Variants in GET4 observed in about 807,000 individuals in gnomAD.
GET4 encodes guided entry of tail-anchored proteins factor 4.
GET4 carries 20 observed loss-of-function variants against 40.0 expected under a neutral mutation model. The observed-to-expected ratio is 0.50, with a 90% CI of 0.35 to 0.73. The LOEUF (loss-of-function observed/expected upper bound fraction) is 0.73, where lower values mean the gene tolerates loss of function less well. Ranked by LOEUF, GET4 falls within the 30% of genes least tolerant of loss-of-function variation. The pLI is 0.01. For missense variants in GET4, 557 were observed against 454.0 expected, an observed-to-expected ratio of 1.23 and a Z score of -2.06; for synonymous variants, 280 against 194.6, an observed-to-expected ratio of 1.44 and a Z score of -3.65.
At position 876,762 on chromosome 7, in the gene GET4, C is replaced by T; in HGVS notation, c.117C>T (p.Tyr39=). ...GCGCCAGCGTCGAGAAGGGCGACTACTACGAGGCGCACCAGATGTACCGGA... is the reference window on the plus strand; with the variant it reads ...GCGCCAGCGTCGAGAAGGGCGACTATTACGAGGCGCACCAGATGTACCGGA... ...KLRASVEKGD[Y]YEAHQMYRTL... is the part of the protein sequence containing the mutation. The change falls in exon 1 of 9, where the codon TAC becomes TAT. Residue 39 remains tyrosine (Y), a synonymous_variant. Transcript: ENST00000265857. 2 of 1,354,948 alleles carry T rather than the reference C, an allele frequency of 1.5e-6. No homozygotes were observed. Among genetic ancestry groups the T allele is most frequent in the African/African-American group, 1.6e-5 (1 of 64,454 alleles). The allele number at this position is 1,354,948 out of a possible 1,614,324, so 83.9% of individuals were successfully genotyped here.
chr7:885,499 T>C (rs1844169478), intron 1 of GET4: 1 of 153,104 alleles, frequency 6.5e-6, no homozygotes, highest in African/African-American at 2.4e-5. Flanking sequence ...GGGGACGTGA[T>C]GCAGGGCGAG....
intron 5 of GET4, 137 bp from the exon 6 acceptor site, chr7:892,141 A>C: frequency 1.3e-6 from 1 of 765,996 alleles, no homozygotes; most frequent in African/African-American, 1.7e-5. Context: ...CGCGTGAAGC[A>C]CTGGGTCCCT....
Position 886,080 on chromosome 7 carries a change from G to A in GET4, c.180G>A (p.Thr60=), listed in dbSNP as rs11543222. ...FFRYMSQSKH[T]EARELMYSGA... ...GGTACATGTCCCAGAGCAAGCACAC[G>A]GAGGCCCGGGAGCTCATGTACTCGG... Residue 60 remains threonine (T), a synonymous_variant, in exon 2 of 9, where the codon ACG becomes ACA. Transcript: ENST00000265857. 219,622 of 1,606,992 alleles carry A rather than the reference G, an allele frequency of 0.14. 16,733 individuals are homozygous for A. The highest frequency in any genetic ancestry group is 0.2 in the Admixed American group (11,983 of 60,004).
In GET4 at chr7:890,872, C is replaced by T. The variant is rs1198055484; in HGVS notation, c.467-56C>T. 1.2e-5 allele frequency: 17 copies of T among 1,390,378 alleles called. No individual in the cohort carries two copies. In the African/African-American group the frequency reaches 1.4e-4, roughly 12 times the overall value. The allele number at this position is 1,390,378 out of a possible 1,614,324, so 86.1% of individuals were successfully genotyped here. ...AACATGGAGTGTCTTTCCCCCTTTC[C>T]TTTTCTGTGTTATATTCGTGAAATG... On this transcript the variant is annotated intron_variant, in intron 4 of 8. Transcript: ENST00000265857.
At chr7:885,974 T>G in intron 1 of GET4, 82 bp from the exon 2 acceptor site, 3 of 872,286 alleles carry the variant, frequency 3.4e-6, no homozygotes, top group Non-Finnish European at 5.8e-6. Context: ...CGCCTTGTTT[T>G]TAGCTTCTGA....
rs753432287 is a variant in GET4 at position 895,719 on chromosome 7, G to A, written c.*297G>A. 3.2e-4 allele frequency: 70 copies of A among 220,648 alleles called. 1 individual carries two copies. The highest frequency in any genetic ancestry group is 5.4e-4 in the Non-Finnish European group (60 of 111,732). 13.7% of individuals were successfully genotyped at this position (220,648 alleles called of 1,614,324 possible). On this transcript the variant is annotated 3_prime_UTR_variant, in exon 9 of 9. Transcript: ENST00000265857. ...ACCCTCTCCCACTCCTTTGTTCTGG[G>A]TCCTTTCGGGAGGGCTGATGGGCAG...
Position 893,777 on chromosome 7 carries a change from T to C in GET4, c.784T>C (p.Tyr262His). Reference sequence around the variant, plus strand: ...GGTGTTCACTGTGCTGTGTGAGCAGTACCAGCCATCCCTCCGGCGGGACCC... The same window carrying C: ...GGTGTTCACTGTGCTGTGTGAGCAGCACCAGCCATCCCTCCGGCGGGACCC... ...LTVFTVLCEQYQPSLRRDPMY... is the reference protein window; with the variant it reads ...LTVFTVLCEQHQPSLRRDPMY... The change falls in exon 7 of 9, where the codon TAC (tyrosine) becomes CAC (histidine). Residue 262 changes from tyrosine to histidine, a missense_variant. Physicochemically the swap from Tyr to His is moderately conservative, Grantham distance 83. Coordinates refer to ENST00000265857, the MANE Select transcript of GET4 (RefSeq NM_015949.3). The C allele has an allele frequency of 6.2e-7, 1 of 1,611,294 alleles. No homozygotes were observed. The highest frequency in any genetic ancestry group is 8.5e-7 in the Non-Finnish European group (1 of 1,178,276).
chr7:880,794 G>C (rs940048170), intron 1 of GET4: 6 of 152,234 alleles, frequency 3.9e-5, no homozygotes, highest in Non-Finnish European at 7.3e-5. Context: ...GTAGAATTCC[G>C]TGTGGATTCC....
intron 1 of GET4, chr7:878,207 C>A: frequency 2.1e-6 from 1 of 468,938 alleles, no homozygotes. Flanking sequence ...CTGCACGCCC[C>A]TCGGGACTGT....
intron 1 of GET4, among the ~76,000 whole-genome samples, chr7:877,589 G>C (rs10252674): frequency 0.41 from 45,679 of 111,600 alleles, 9,843 homozygotes; most frequent in Middle Eastern, 0.5. Context: ...CCCTCTCCTA[G>C]CCTCCACCTC....
At chr7:892,155 T>C (rs1029972289) in intron 5 of GET4, 123 bp from the exon 6 acceptor site, 53 of 932,286 alleles carry the variant, frequency 5.7e-5, no homozygotes, top group Non-Finnish European at 8.0e-5. Context: ...GGTCCCTCCA[T>C]GGCCTTGGGC....
Position 893,404 on chromosome 7 carries a change from G to A in GET4, c.747-336G>A, listed in dbSNP as rs1363435252. 1.7e-4 allele frequency among the ~76,000 whole-genome samples: 24 copies of A among 143,958 alleles called. 1 individual carries two copies. The East Asian group carries it at 2.1e-3, about 13-fold the overall frequency. 94.4% of individuals were successfully genotyped at this position (143,958 alleles called of 152,430 possible). A position where few individuals can be genotyped will look rare whatever the true frequency, so the allele number is the denominator to read the frequency against. ...GTGCAGGTGAGTGTTGGGCGTGGGC[G>A]CGGTGGTGTGTGCAGGTGAGTGTTG... On this transcript the variant is annotated intron_variant, in intron 6 of 8. Coordinates refer to ENST00000265857, the MANE Select transcript of GET4 (RefSeq NM_015949.3).
chr7:886,883 G>T, intron 3 of GET4: 1 of 569,190 alleles, frequency 1.8e-6, no homozygotes, highest in Non-Finnish European at 3.2e-6. Context: ...GGCAGGGCAT[G>T]ACTGGGGCCC....
At chr7:884,518 T>C in intron 1 of GET4, 1 of 411,158 alleles carries the variant, frequency 2.4e-6, no homozygotes, top group Admixed American at 3.7e-5. Context: ...TTTTCCCTCC[T>C]GGTGCCCTGC....
intron 1 of GET4, chr7:884,999 C>G (rs1487710556): frequency 6.6e-6 from 1 of 152,506 alleles, no homozygotes; most frequent in African/African-American, 2.4e-5. Flanking sequence ...TCAGGCCAGT[C>G]TCAAACTCAT....
At chr7:879,748 C>G (rs952101320) in intron 1 of GET4, 3 of 152,208 alleles carry the variant, frequency 2.0e-5, no homozygotes, top group Non-Finnish European at 4.4e-5. Flanking sequence ...GATGGAACTA[C>G]TAATTTTATC....
intron 5 of GET4, among the ~76,000 whole-genome samples, chr7:891,381 C>G (rs891424387): frequency 6.6e-6 from 1 of 152,340 alleles, no homozygotes; most frequent in East Asian, 1.9e-4. Context: ...AGTTCTTTCC[C>G]GCACTATCTG....
intron 6 of GET4, among the ~76,000 whole-genome samples, chr7:893,241 T>G (rs1231458398): frequency 9.9e-5 from 8 of 80,754 alleles, no homozygotes; most frequent in Admixed American, 4.4e-4. Context: ...CGTGGTGGTG[T>G]GTGCAGGTGA....
chr7:878,371 T>C (rs933763782), intron 1 of GET4: 12 of 471,006 alleles, frequency 2.5e-5, no homozygotes, highest in Non-Finnish European at 4.4e-5. Flanking sequence ...TTATCTCTTA[T>C]GGTTCAGGTC....
Sources: gnomAD v4.1 joint callset for allele counts (sites outside exome capture counted in the v4.1 genomes callset) on GRCh38, gnomAD v4.1.1 for gene constraint, MANE v1.5 for transcripts, NCBI Gene and HGNC (gene_info 2026-07-23, HGNC 2026-07-21) for gene names.